Variants in USP22 observed in about 807,000 individuals in gnomAD.
USP22 encodes the protein ubiquitin specific peptidase 22.
USP22 carries 22 observed loss-of-function variants against 68.1 expected under a neutral mutation model. The ratio of observed to expected loss-of-function variants is 0.32; its 90% CI spans 0.23 to 0.46. The LOEUF (loss-of-function observed/expected upper bound fraction) is 0.46. USP22 is among the 20% of genes least tolerant of loss of function. USP22 has a pLI of 1.00. For synonymous variants in USP22, 279 were observed against 274.2 expected (o/e 1.02, Z -0.17); for missense variants, 433 against 695.8 (o/e 0.62, Z 4.25).
rs1272457630 is a variant in USP22, at chr17:21,042,677, G to A, written c.159C>T (p.Ala53=). The part of the protein sequence containing the change: ...QCFVWSGTAE[A]RKRKAKSCIC... ...CTGCCGGGCGCACCTTGCGCTTGCG[G>A]GCCTCAGCCGTGCCGCTCCACACGA... The change falls in exon 1 of 13, where the codon GCC becomes GCT. Residue 53 remains alanine, a synonymous_variant. Coordinates refer to ENST00000261497, the MANE Select transcript of USP22 (RefSeq NM_015276.2). 7.6e-7 allele frequency: 1 copy of A among 1,312,276 alleles called. No individual in the cohort carries two copies. The highest frequency in any genetic ancestry group is 9.8e-7 in the Non-Finnish European group (1 of 1,022,080). The allele number at this position is 1,312,276 out of a possible 1,614,324, so 81.3% of individuals were successfully genotyped here.
chr17:21,010,141 A>C (rs1191065032), intron 8 of USP22, among the ~76,000 whole-genome samples: 1 of 151,894 alleles, frequency 6.6e-6, no homozygotes, highest in Non-Finnish European at 1.5e-5. Context: ...TCCAGCCTGC[A>C]TGAAAGAGCA....
intron 2 of USP22, among the ~76,000 whole-genome samples, chr17:21,023,980 G>A (rs1047271995): frequency 3.9e-5 from 6 of 152,154 alleles, no homozygotes; most frequent in South Asian, 2.1e-4. Flanking sequence ...AAGCTACTAC[G>A]ACTTATATTG....
At position 21,038,418 on chromosome 17, in the gene USP22, C is replaced by T. The variant is rs554504411; in HGVS notation, c.171+4247G>A. ...GGAGAGGTGGCTCATGCCTGTAATG[C>T]CAGCACTTTGGGAGGCCAAGGAGAG... On this transcript the variant is annotated intron_variant, in intron 1 of 12. Transcript: ENST00000261497. Among the ~76,000 whole-genome samples the T allele has an allele frequency of 4.0e-5, 6 of 151,746 alleles. No individual in the cohort carries two copies. In the East Asian group the frequency reaches 9.7e-4, roughly 25 times the overall value.
At chr17:21,033,407 C>T (rs551788759) in intron 1 of USP22, among the ~76,000 whole-genome samples, 7 of 152,074 alleles carry the variant, frequency 4.6e-5, no homozygotes, top group Non-Finnish European at 7.4e-5. Context: ...AATTTGGTCC[C>T]GATATTAAGA....
chr17:21,030,163 A>C (rs1402808247), intron 1 of USP22, among the ~76,000 whole-genome samples: 1 of 152,244 alleles, frequency 6.6e-6, no homozygotes, highest in Non-Finnish European at 1.5e-5. Flanking sequence ...ACATCCTCCC[A>C]TAAACTTTCA....
At chr17:21,020,244 C>CAAAAAAAAAAAAAAAAAAAACAAAAA (rs1972136774) in intron 3 of USP22, among the ~76,000 whole-genome samples, 1 of 73,252 alleles carries the variant, frequency 1.4e-5, no homozygotes, top group Non-Finnish European at 2.5e-5. Context: ...AATCAAAAAC[C>CAAAAAAAAAAAAAAAAAAAACAAAAA]AAAAAAAAAA....
chr17:21,003,330 C>CA (rs1913657781), intron 12 of USP22, among the ~76,000 whole-genome samples: 1 of 152,238 alleles, frequency 6.6e-6, no homozygotes, highest in Non-Finnish European at 1.5e-5. Flanking sequence ...CAACCTCCCA[C>CA]AGCCTCTCCC....
chr17:21,004,656 G>T (rs55971210), intron 11 of USP22, among the ~76,000 whole-genome samples: 1 of 152,226 alleles, frequency 6.6e-6, no homozygotes, highest in Non-Finnish European at 1.5e-5. Flanking sequence ...AAGGCAAGAA[G>T]AATGAACACC....
rs567860057 is a variant in USP22, at chr17:21,039,064, G to T, written c.171+3601C>A. On this transcript the variant is annotated intron_variant, in intron 1 of 12. Coordinates refer to ENST00000261497, the MANE Select transcript of USP22 (RefSeq NM_015276.2). The stretch of plus-strand genomic sequence containing the variant: ...CCTCCCTGGTTCAAGCGATTCTCCT[G>T]CCCCAGCCTCACGAGTAGCTGGGAT... Among the ~76,000 whole-genome samples, 8 of 152,000 alleles carry T rather than the reference G, an allele frequency of 5.3e-5. No homozygotes were observed. In the East Asian group the frequency reaches 1.6e-3, roughly 30 times the overall value.
chr17:21,010,665 A>G lies in USP22; in HGVS notation c.1103+486T>C, dbSNP rs958195978. 6.2e-5 allele frequency among the ~76,000 whole-genome samples: 9 copies of G among 145,756 alleles called. No homozygotes were observed. In the Admixed American group the frequency reaches 6.2e-4, roughly 10 times the overall value. ...GTCGACAGAGCACAACTCTGTCTCAAAAAAAAAAAAAAAAATCACTTTGTA... is the reference window on the plus strand; with the variant it reads ...GTCGACAGAGCACAACTCTGTCTCAGAAAAAAAAAAAAAAATCACTTTGTA... On this transcript the variant is annotated intron_variant, in intron 8 of 12. Coordinates refer to ENST00000261497, the MANE Select transcript of USP22 (RefSeq NM_015276.2).
In USP22 at chr17:21,011,403, C is replaced by T. The variant is rs9890136; in HGVS notation, c.945-94G>A. The T allele has an allele frequency of 4.6e-4, 680 of 1,466,270 alleles. 3 individuals carry two copies. In the African/African-American group the frequency reaches 7.6e-3, roughly 16 times the overall value. The allele number at this position is 1,466,270 out of a possible 1,614,324, so 90.8% of individuals were successfully genotyped here. On this transcript the variant is annotated intron_variant, in intron 7 of 12. Coordinates refer to ENST00000261497, the MANE Select transcript of USP22 (RefSeq NM_015276.2). Reference sequence around the variant, plus strand: ...GGAAGCCGTTCCCACATCCCTTCCCCGCTGTGCCCTTTGTCACAGTGACAC... The same window carrying T: ...GGAAGCCGTTCCCACATCCCTTCCCTGCTGTGCCCTTTGTCACAGTGACAC...
intron 2 of USP22, among the ~76,000 whole-genome samples, chr17:21,026,442 C>T (rs946184037): frequency 9.9e-5 from 15 of 151,972 alleles, no homozygotes; most frequent in African/African-American, 3.4e-4. Flanking sequence ...CCTCCCACCT[C>T]CTGAGTGAGT....
intron 6 of USP22, among the ~76,000 whole-genome samples, chr17:21,013,841 A>G (rs1057298781): frequency 2.6e-5 from 4 of 152,218 alleles, no homozygotes; most frequent in Non-Finnish European, 5.9e-5. Context: ...TTGGGAGGCC[A>G]AGGCGGGCGG....
intron 1 of USP22, among the ~76,000 whole-genome samples, chr17:21,034,385 A>G (rs1972329057): frequency 6.6e-6 from 1 of 152,238 alleles, no homozygotes; most frequent in Non-Finnish European, 1.5e-5. Flanking sequence ...TACCAAAACC[A>G]GAAGGAAATT....
intron 1 of USP22, among the ~76,000 whole-genome samples, chr17:21,035,368 A>G (rs1383844310): frequency 6.6e-6 from 1 of 152,178 alleles, no homozygotes; most frequent in Non-Finnish European, 1.5e-5. Flanking sequence ...TCACATATCC[A>G]TTAGGCGGGT....
At chr17:21,015,002 CCA>C (rs1427249965) in intron 6 of USP22, among the ~76,000 whole-genome samples, 3 of 152,200 alleles carry the variant, frequency 2.0e-5, no homozygotes, top group African/African-American at 4.8e-5. Context: ...AGTGACCAGC[CCA>C]CACTCATCTG....
At chr17:21,011,439 T>C in intron 7 of USP22, 130 bp from the exon 8 acceptor site, 1 of 1,241,034 alleles carries the variant, frequency 8.1e-7, no homozygotes, top group Non-Finnish European at 1.1e-6. Flanking sequence ...TCAGGTGGGA[T>C]GGGGCAGGAG....
chr17:21,009,575 AC>A (rs1913883593), intron 8 of USP22, among the ~76,000 whole-genome samples: 2 of 152,076 alleles, frequency 1.3e-5, no homozygotes, highest in Admixed American at 1.3e-4. Flanking sequence ...TGTGGTTTCT[AC>A]CTCATGGCCT....
At chr17:21,033,986 T>C (rs1487115439) in intron 1 of USP22, among the ~76,000 whole-genome samples, 1 of 152,026 alleles carries the variant, frequency 6.6e-6, no homozygotes, top group African/African-American at 2.4e-5. Context: ...TGACCTCAAG[T>C]GATCCACCCA....
Sources: allele counts gnomAD v4.1 joint callset (sites outside exome capture counted in the v4.1 genomes callset), GRCh38; gene constraint gnomAD v4.1.1; transcripts MANE v1.5; gene names NCBI Gene and HGNC (gene_info 2026-07-23, HGNC 2026-07-21).